Variants in GRIP1 observed in about 807,000 individuals in gnomAD.
The protein encoded by GRIP1 is glutamate receptor-interacting protein 1.
GRIP1 carries 45 observed loss-of-function variants against 129.9 expected under a neutral mutation model. That is an observed-to-expected ratio of 0.35 (90% CI 0.27 to 0.44). The LOEUF (loss-of-function observed/expected upper bound fraction) is 0.44. Ranked by LOEUF, GRIP1 falls within the 20% of genes least tolerant of loss-of-function variation. The pLI, the probability that GRIP1 is intolerant of heterozygous loss-of-function variation, is 1.00. For missense variants in GRIP1, 1,196 were observed against 1,396.8 expected, an observed-to-expected ratio of 0.86 and a Z score of 2.29; for synonymous variants, 530 against 520.8, an observed-to-expected ratio of 1.02 and a Z score of -0.24.
intron 23 of GRIP1, among the ~76,000 whole-genome samples, chr12:66,368,652 A>G (rs1459490621): frequency 6.6e-6 from 1 of 152,188 alleles, no homozygotes; most frequent in Non-Finnish European, 1.5e-5. Flanking sequence ...CCATGCCACC[A>G]CCGCAAAACA....
At chr12:66,934,558 A>G (rs1207500528) in intron 1 of GRIP1, among the ~76,000 whole-genome samples, 2 of 152,248 alleles carry the variant, frequency 1.3e-5, no homozygotes, top group Non-Finnish European at 2.9e-5. Context: ...GACACAAAAA[A>G]CAGGTTTGCT....
chr12:66,483,238 G>T (rs1350897980), intron 7 of GRIP1, among the ~76,000 whole-genome samples: 1 of 152,096 alleles, frequency 6.6e-6, no homozygotes, highest in Non-Finnish European at 1.5e-5. Context: ...TTTATTAATA[G>T]TACCTATTCA....
At chr12:66,995,043 T>C (rs530277108) in intron 1 of GRIP1, among the ~76,000 whole-genome samples, 1 of 152,046 alleles carries the variant, frequency 6.6e-6, no homozygotes, top group East Asian at 1.9e-4. Flanking sequence ...AACCCTTACG[T>C]TTATGATAAA....
At chr12:66,548,597 T>C (rs1416480554) in intron 2 of GRIP1, among the ~76,000 whole-genome samples, 3 of 152,170 alleles carry the variant, frequency 2.0e-5, no homozygotes, top group Non-Finnish European at 2.9e-5. Context: ...TCAGAGGCTA[T>C]GTGGATGACA....
At chr12:66,731,247 C>T (rs1168011776) in intron 1 of GRIP1, among the ~76,000 whole-genome samples, 1 of 152,070 alleles carries the variant, frequency 6.6e-6, no homozygotes, top group East Asian at 1.9e-4. Context: ...GTTATAAGTA[C>T]CATTAAAAGA....
At chr12:66,533,387 T>C (rs2061510214) in intron 4 of GRIP1, among the ~76,000 whole-genome samples, 3 of 151,916 alleles carry the variant, frequency 2.0e-5, no homozygotes, top group Admixed American at 2.0e-4. Flanking sequence ...GGCTCATGCC[T>C]GTAATCCCAG....
At chr12:67,066,889 TA>T (rs199530374) in intron 1 of GRIP1, among the ~76,000 whole-genome samples, 495 of 4,824 alleles carry the variant, frequency 0.1, 15 homozygotes, top group East Asian at 0.5. Flanking sequence ...AATATATATT[TA>T]TATATATATA....
intron 1 of GRIP1, among the ~76,000 whole-genome samples, chr12:66,744,026 G>C (rs1173021098): frequency 6.6e-6 from 1 of 152,020 alleles, no homozygotes; most frequent in Non-Finnish European, 1.5e-5. Context: ...ATTGCTTCCT[G>C]TGTCTTAATT....
chr12:66,380,555 T>C (rs544169017), intron 19 of GRIP1, among the ~76,000 whole-genome samples: 2 of 152,378 alleles, frequency 1.3e-5, no homozygotes, highest in East Asian at 1.9e-4. Context: ...TGTTACATAA[T>C]GGACACTTTC....
rs974337968 is a variant in GRIP1, at chr12:66,998,849, T to C, written c.58+70201A>G. ...CTGGCTGCATTAACATCTTCCTCTT[T>C]ACTGAATTGTGCCCACTAGCATTAA... On this transcript the variant is annotated intron_variant, in intron 1 of 1. Transcript: ENST00000643019. 4.6e-5 allele frequency among the ~76,000 whole-genome samples: 7 copies of C among 152,298 alleles called. No individual in the cohort carries two copies. In the East Asian group the frequency reaches 1.2e-3, roughly 25 times the overall value.
At chr12:66,351,844 G>A (rs567472961) in intron 24 of GRIP1, among the ~76,000 whole-genome samples, 13 of 152,136 alleles carry the variant, frequency 8.5e-5, no homozygotes, top group South Asian at 2.1e-4. Context: ...CACCGATGCC[G>A]TATCTGTCTC....
intron 1 of GRIP1, among the ~76,000 whole-genome samples, chr12:66,717,662 C>T (rs56041568): frequency 0.052 from 7,370 of 140,834 alleles, 227 homozygotes; most frequent in Middle Eastern, 0.11. Flanking sequence ...AAGATTGACT[C>T]TCTCTGTCTG....
chr12:66,748,106 C>T (rs951280553), intron 1 of GRIP1, among the ~76,000 whole-genome samples: 23 of 152,094 alleles, frequency 1.5e-4, no homozygotes, highest in African/African-American at 5.5e-4. Flanking sequence ...GCAACCTCCA[C>T]CTTCTGGGTT....
intron 4 of GRIP1, among the ~76,000 whole-genome samples, chr12:66,531,459 A>G (rs2061463353): frequency 6.6e-6 from 1 of 151,838 alleles, no homozygotes; most frequent in Non-Finnish European, 1.5e-5. Flanking sequence ...TGAACCCTCA[A>G]GGGAAGAAAC....
At chr12:66,714,194 T>C (rs894673380) in intron 1 of GRIP1, among the ~76,000 whole-genome samples, 1 of 152,074 alleles carries the variant, frequency 6.6e-6, no homozygotes, top group Non-Finnish European at 1.5e-5. Flanking sequence ...TTTGGTCTGA[T>C]TTAAACCTAC....
At chr12:66,384,001 CAG>C (rs1405277872) in intron 19 of GRIP1, among the ~76,000 whole-genome samples, 2 of 152,200 alleles carry the variant, frequency 1.3e-5, no homozygotes, top group Non-Finnish European at 2.9e-5. Flanking sequence ...CTAAGCAAAA[CAG>C]AGCCGAAATA....
At chr12:66,579,019 C>A (rs1026523985) in intron 2 of GRIP1, among the ~76,000 whole-genome samples, 3 of 152,184 alleles carry the variant, frequency 2.0e-5, no homozygotes, top group African/African-American at 7.2e-5. Context: ...CCAGTAGGGG[C>A]AGACTGACAC....
At chr12:66,768,814 G>C (rs376009645) in intron 1 of GRIP1, among the ~76,000 whole-genome samples, 9 of 152,178 alleles carry the variant, frequency 5.9e-5, no homozygotes, top group Admixed American at 6.5e-5. Flanking sequence ...ACCTGACCCA[G>C]AGGACACTGC....
intron 6 of GRIP1, among the ~76,000 whole-genome samples, chr12:66,516,096 G>A (rs1033818208): frequency 6.6e-6 from 1 of 151,988 alleles, no homozygotes; most frequent in African/African-American, 2.4e-5. Flanking sequence ...TTTATTGGAG[G>A]CCAGAAAATA....
Sources: allele counts gnomAD v4.1 joint callset (sites outside exome capture counted in the v4.1 genomes callset), GRCh38; gene constraint gnomAD v4.1.1; transcripts MANE v1.5; gene names NCBI Gene and HGNC (gene_info 2026-07-23, HGNC 2026-07-21).